MUSK: variants seen among roughly 807,000 people sequenced by gnomAD.
MUSK encodes muscle, skeletal receptor tyrosine-protein kinase.
A neutral mutation model predicts 88.7 loss-of-function variants in MUSK; 55 were observed. That is an observed-to-expected ratio of 0.62 (90% CI 0.50 to 0.78). MUSK has a LOEUF of 0.78. Ranked by LOEUF, MUSK falls within the 30% of genes least tolerant of loss-of-function variation. The probability of loss-of-function intolerance (pLI) is 0.00; values close to 1 mark genes in which losing one functional copy is unlikely to be tolerated. For missense variants in MUSK, 1,015 were observed against 1,074.3 expected, an observed-to-expected ratio of 0.94 and a Z score of 0.77; for synonymous variants, 387 against 391.9, an observed-to-expected ratio of 0.99 and a Z score of 0.15.
At position 110,806,005 on chromosome 9, in the gene MUSK, ATGT is replaced by A. The variant is rs1265755714; in HGVS notation, c.*5022_*5024del. 2.0e-5 allele frequency among the ~76,000 whole-genome samples: 3 copies of A among 152,038 alleles called. No homozygotes were observed. The highest frequency in any genetic ancestry group is 4.4e-5 in the Non-Finnish European group (3 of 67,950). ...TTATTTATGAAAGTAATACATAAAA[ATGT>A]TGTTTAAAAAAACTCACAAGAGGGT... On this transcript the variant is annotated 3_prime_UTR_variant, in exon 15 of 15. Transcript: ENST00000374448.
In MUSK at chr9:110,784,820, C is replaced by T; in HGVS notation, c.1390C>T (p.Pro464Ser). The T allele has an allele frequency of 1.2e-6, 2 of 1,602,990 alleles. No individual in the cohort carries two copies. The highest frequency in any genetic ancestry group is 1.7e-6 in the Non-Finnish European group (2 of 1,174,036). ...TAATTATTCTTTACTTACAGCATTC[C>T]CACCAATGACGTCCTCAAAGCCAAG... is the stretch of plus-strand genomic sequence containing the variant. Reference protein sequence around the residue: ...DYNKENLKTFPPMTSSKPSVD... With the variant: ...DYNKENLKTFSPMTSSKPSVD... The change falls in exon 12 of 15, where the codon CCA (proline) becomes TCA (serine). Residue 464 changes from proline (P) to serine (S), a missense_variant. Pro to Ser is a moderately conservative substitution (Grantham distance 74, BLOSUM62 -1). Transcript: ENST00000374448.
At chr9:110,730,318 G>A (rs1468035317) in intron 5 of MUSK, among the ~76,000 whole-genome samples, 1 of 151,814 alleles carries the variant, frequency 6.6e-6, no homozygotes, top group African/African-American at 2.4e-5. Context: ...CAGAAAGAGG[G>A]GTTTGATGAT....
intron 7 of MUSK, among the ~76,000 whole-genome samples, chr9:110,757,952 T>C (rs149455926): frequency 2.9e-3 from 437 of 152,286 alleles, no homozygotes; most frequent in South Asian, 5.0e-3. Flanking sequence ...AGAGATGTAA[T>C]TGATAAAGGT....
At chr9:110,679,253 T>C (rs1191106927) in intron 1 of MUSK, among the ~76,000 whole-genome samples, 3 of 152,050 alleles carry the variant, frequency 2.0e-5, no homozygotes, top group African/African-American at 4.8e-5. Flanking sequence ...TGGGTTTGAG[T>C]CCATATTTTT....
In MUSK at chr9:110,755,953, C is replaced by CATAT. The variant is rs1554750825; in HGVS notation, c.914-6241_914-6238dup. Among the ~76,000 whole-genome samples the CATAT allele has an allele frequency of 5.8e-4, 41 of 70,656 alleles. No individual in the cohort carries two copies. In the East Asian group the frequency reaches 6.5e-3, roughly 11 times the overall value. The allele number at this position is 70,656 out of a possible 152,430, so 46.4% of individuals were successfully genotyped here. A position where few individuals can be genotyped will look rare whatever the true frequency, so the allele number is the denominator to read the frequency against. ...ATATACATATATATATATATATACACATATATATATACATATATATATATA... is the reference window on the plus strand; with the variant it reads ...ATATACATATATATATATATATACACATATATATATATATACATATATATATATA... On this transcript the variant is annotated intron_variant, in intron 7 of 14. Coordinates refer to ENST00000374448, the MANE Select transcript of MUSK (RefSeq NM_005592.4).
rs1266401713 is a variant in MUSK at position 110,702,889 on chromosome 9, T to A, written c.628+5423T>A. Among the ~76,000 whole-genome samples, 2 of 150,670 alleles carry A rather than the reference T, an allele frequency of 1.3e-5. 1 individual carries two copies. Among genetic ancestry groups the A allele is most frequent in the Admixed American group, 1.3e-4 (2 of 15,124 alleles). On this transcript the variant is annotated intron_variant, in intron 5 of 14. Coordinates refer to ENST00000374448, the MANE Select transcript of MUSK (RefSeq NM_005592.4). ...GCCTGGGCAACAGAGTGAGACCCTG[T>A]CTCAAAATAAAAAAATAATAATAAA... is the stretch of plus-strand genomic sequence containing the variant.
intron 1 of MUSK, among the ~76,000 whole-genome samples, chr9:110,676,051 C>G (rs1402810565): frequency 1.3e-5 from 2 of 152,028 alleles, no homozygotes; most frequent in African/African-American, 4.8e-5. Flanking sequence ...TTGAGATTGA[C>G]TTTCTCAAAC....
intron 5 of MUSK, among the ~76,000 whole-genome samples, chr9:110,715,404 G>A (rs746306249): frequency 2.7e-5 from 4 of 149,340 alleles, no homozygotes; most frequent in African/African-American, 7.7e-5. Flanking sequence ...GCTAGTGAGA[G>A]TGAAGTGAGG....
At chr9:110,782,733 G>A (rs189942647) in intron 11 of MUSK, among the ~76,000 whole-genome samples, 3 of 152,098 alleles carry the variant, frequency 2.0e-5, no homozygotes, top group South Asian at 4.1e-4. Flanking sequence ...ATCTTAGATC[G>A]AGAAAACTTG....
rs2078125349 is a variant in MUSK, at chr9:110,803,721, T to C, written c.*2733T>C. Among the ~76,000 whole-genome samples, 1 of 152,242 alleles carries C rather than the reference T, an allele frequency of 6.6e-6. No homozygotes were observed. The highest frequency in any genetic ancestry group is 6.5e-5 in the Admixed American group (1 of 15,290). On this transcript the variant is annotated 3_prime_UTR_variant, in exon 15 of 15. Coordinates refer to ENST00000374448, the MANE Select transcript of MUSK (RefSeq NM_005592.4). Reference sequence around the variant, plus strand: ...TGTTTATTTTTTCATGAGTTCTAATTACATTTTCAAGTTAAGATCACTGAC... The same window carrying C: ...TGTTTATTTTTTCATGAGTTCTAATCACATTTTCAAGTTAAGATCACTGAC...
intron 9 of MUSK, among the ~76,000 whole-genome samples, chr9:110,772,384 C>T (rs1296404495): frequency 6.6e-6 from 1 of 151,630 alleles, no homozygotes; most frequent in Non-Finnish European, 1.5e-5. Flanking sequence ...AAATCTATGT[C>T]ATTCACAGTA....
At chr9:110,671,793 A>C (rs2075960079) in intron 1 of MUSK, among the ~76,000 whole-genome samples, 1 of 152,212 alleles carries the variant, frequency 6.6e-6, no homozygotes, top group Admixed American at 6.5e-5. Context: ...GGAGTATTAA[A>C]TGTATGGTGC....
At position 110,800,384 on chromosome 9, in the gene MUSK, G is replaced by C; in HGVS notation, c.2006G>C (p.Ser669Thr). 6.8e-6 allele frequency: 11 copies of C among 1,613,826 alleles called. No homozygotes were observed. Among genetic ancestry groups the C allele is most frequent in the Non-Finnish European group, 9.3e-6 (11 of 1,179,852 alleles). The change falls in exon 15 of 15, where the codon AGC (serine) becomes ACC (threonine). Residue 669 changes from serine (S) to threonine (T), a missense_variant. Coordinates refer to ENST00000374448, the MANE Select transcript of MUSK (RefSeq NM_005592.4). ...AYGDLNEFLR[S>T]MSPHTVCSLS... Reference sequence around the variant, plus strand: ...GGTGACCTCAATGAGTTCCTCCGCAGCATGTCCCCTCACACCGTGTGCAGC... The same window carrying C: ...GGTGACCTCAATGAGTTCCTCCGCACCATGTCCCCTCACACCGTGTGCAGC...
chr9:110,671,098 A>G (rs1473962342), intron 1 of MUSK, among the ~76,000 whole-genome samples: 4 of 152,106 alleles, frequency 2.6e-5, no homozygotes, highest in Non-Finnish European at 5.9e-5. Flanking sequence ...CAGACTCGCA[A>G]ATACCTGGGA....
intron 6 of MUSK, among the ~76,000 whole-genome samples, chr9:110,744,827 C>T (rs142762976): frequency 5.2e-4 from 79 of 152,260 alleles, no homozygotes; most frequent in African/African-American, 1.7e-3. Flanking sequence ...AACTACCAGA[C>T]GTAGTCACCT....
intron 3 of MUSK, among the ~76,000 whole-genome samples, chr9:110,690,873 A>AAT (rs1409626123): frequency 7.4e-6 from 1 of 134,962 alleles, no homozygotes; most frequent in African/African-American, 2.8e-5. Flanking sequence ...TATTTAAATA[A>AAT]ATATATATAT....
chr9:110,790,712 A>G (rs1252744739), intron 14 of MUSK, among the ~76,000 whole-genome samples: 1 of 152,216 alleles, frequency 6.6e-6, no homozygotes, highest in African/African-American at 2.4e-5. Context: ...GAGGAAAGAG[A>G]AGAAATAAAT....
At chr9:110,758,669 C>G (rs1405292490) in intron 7 of MUSK, among the ~76,000 whole-genome samples, 1 of 152,142 alleles carries the variant, frequency 6.6e-6, no homozygotes, top group Non-Finnish European at 1.5e-5. Context: ...ATCTAGAAAA[C>G]CCCATAGTCT....
At chr9:110,786,310 CAAA>C (rs60666436) in intron 13 of MUSK, among the ~76,000 whole-genome samples, 2 of 75,480 alleles carry the variant, frequency 2.6e-5, no homozygotes, top group African/African-American at 4.7e-5. Flanking sequence ...GACTCTGTCT[CAAA>C]AAAAAAAAAA....
Sources: allele counts gnomAD v4.1 joint callset (sites outside exome capture counted in the v4.1 genomes callset), GRCh38; gene constraint gnomAD v4.1.1; transcripts MANE v1.5; gene names NCBI Gene and HGNC (gene_info 2026-07-23, HGNC 2026-07-21).